Variants in SLC22A16 observed in about 807,000 individuals in gnomAD.
The protein encoded by SLC22A16 is solute carrier family 22 member 16.
A neutral mutation model predicts 52.9 loss-of-function variants in SLC22A16; 53 were observed. That is an observed-to-expected ratio of 1.00 (90% CI 0.80 to 1.26). The LOEUF (loss-of-function observed/expected upper bound fraction) is 1.26. SLC22A16 is among the 50% of genes most tolerant of loss of function. The pLI is 0.00. For synonymous variants in SLC22A16, 291 were observed against 268.8 expected (o/e 1.08, Z -0.81); for missense variants, 726 against 704.0 (o/e 1.03, Z -0.35).
intron 6 of SLC22A16, among the ~76,000 whole-genome samples, chr6:110,434,157 C>G (rs914047830): frequency 1.3e-5 from 2 of 151,990 alleles, no homozygotes; most frequent in Non-Finnish European, 2.9e-5. Flanking sequence ...GGAGAATCAC[C>G]TGAACCTGGG....
At chr6:110,444,285 G>C (rs1361235834) in intron 3 of SLC22A16, among the ~76,000 whole-genome samples, 3 of 152,120 alleles carry the variant, frequency 2.0e-5, no homozygotes, top group African/African-American at 7.2e-5. Context: ...TTTTTGGGAG[G>C]AGGAGGGGAA....
intron 1 of SLC22A16, among the ~76,000 whole-genome samples, chr6:110,475,708 A>G (rs1776439552): frequency 6.6e-6 from 1 of 152,220 alleles, no homozygotes; most frequent in South Asian, 2.1e-4. Context: ...ATCTCCGGCC[A>G]TAACGCTGCA....
Position 110,424,984 on chromosome 6 carries a change from T to G in SLC22A16, c.1623A>C (p.Lys541Asn). Residue 541 changes from lysine (K) to asparagine (N), a missense_variant, in exon 8 of 8, where the codon AAA becomes AAC. Physicochemically the swap from Lys to Asn is moderately conservative, Grantham distance 94. Coordinates refer to ENST00000368919, the MANE Select transcript of SLC22A16 (RefSeq NM_033125.4). Reference protein sequence around the residue: ...RLATTWEEAAKLESENESKSS... With the variant: ...RLATTWEEAANLESENESKSS... ...ACTTGCTTTCATTCTCTGACTCCAG[T>G]TTTGCAGCCTCCTCCCAAGTAGTTG... is the stretch of plus-strand genomic sequence containing the variant. The G allele has an allele frequency of 1.2e-6, 2 of 1,614,162 alleles. No homozygotes were observed. The highest frequency in any genetic ancestry group is 1.3e-5 in the African/African-American group (1 of 75,038).
intron 2 of SLC22A16, among the ~76,000 whole-genome samples, chr6:110,454,270 CAAG>C (rs1426692046): frequency 1.3e-5 from 2 of 152,020 alleles, no homozygotes; most frequent in Admixed American, 1.3e-4. Context: ...GCACATCCAG[CAAG>C]AAGTATAGAA....
At position 110,453,986 on chromosome 6, in the gene SLC22A16, T is replaced by G. The variant is rs9481071; in HGVS notation, c.533+2552A>C. Among the ~76,000 whole-genome samples the G allele has an allele frequency of 8.2e-3, 1,243 of 152,276 alleles. 17 individuals are homozygous for G. Among genetic ancestry groups the G allele is most frequent in the African/African-American group, 0.028 (1,181 of 41,560 alleles). On this transcript the variant is annotated intron_variant, in intron 2 of 7. Coordinates refer to ENST00000368919, the MANE Select transcript of SLC22A16 (RefSeq NM_033125.4). ...AGGAACTAATCAATTCCTGCGAGAATTAATCCAGTCTTGTGACAGCCAGAA... is the reference window on the plus strand; with the variant it reads ...AGGAACTAATCAATTCCTGCGAGAAGTAATCCAGTCTTGTGACAGCCAGAA...
chr6:110,447,028 A>G (rs748288682), intron 2 of SLC22A16, 38 bp from the exon 3 acceptor site: 1 of 1,552,460 alleles, frequency 6.4e-7, no homozygotes, highest in African/African-American at 1.4e-5. Context: ...GAGGAAAGGT[A>G]GAGTTGTAAC....
At position 110,437,281 on chromosome 6, in the gene SLC22A16, C is replaced by T. The variant is rs138932499; in HGVS notation, c.1312-1320G>A. On this transcript the variant is annotated intron_variant, in intron 5 of 7. Transcript: ENST00000368919. The stretch of plus-strand genomic sequence containing the variant: ...TTAATGCTCTATTTCTAGAAATCTC[C>T]ATCAGCCTCTTTCTCATCTTCCCTA... 5.4e-3 allele frequency among the ~76,000 whole-genome samples: 824 copies of T among 152,242 alleles called. 2 individuals are homozygous for T. Among genetic ancestry groups the T allele is most frequent in the Middle Eastern group, 0.02 (6 of 294 alleles).
intron 1 of SLC22A16, among the ~76,000 whole-genome samples, chr6:110,469,785 G>T (rs1776198632): frequency 6.6e-6 from 1 of 152,140 alleles, no homozygotes. Flanking sequence ...TCTCTGCTTT[G>T]CTAAAAGACA....
At chr6:110,436,252 C>T (rs1225351624) in intron 5 of SLC22A16, among the ~76,000 whole-genome samples, 1 of 152,154 alleles carries the variant, frequency 6.6e-6, no homozygotes, top group Non-Finnish European at 1.5e-5. Flanking sequence ...AGGAGACACG[C>T]CCTGATAGTG....
chr6:110,462,287 C>A (rs1258367919), intron 1 of SLC22A16, among the ~76,000 whole-genome samples: 1 of 152,134 alleles, frequency 6.6e-6, no homozygotes, highest in East Asian at 1.9e-4. Context: ...AAAGCTCCAG[C>A]TATACAAAAA....
chr6:110,450,032 A>T lies in SLC22A16; in HGVS notation c.534-3042T>A, dbSNP rs142551329. On this transcript the variant is annotated intron_variant, in intron 2 of 7. Transcript: ENST00000368919. ...CCTTGGGGGCCTTCTCCATCTGACA[A>T]CTTCCATTGATCATTCCTTGGGGTC... 2.7e-3 allele frequency among the ~76,000 whole-genome samples: 405 copies of T among 152,272 alleles called. 2 individuals carry two copies. The East Asian group carries it at 0.031, about 12-fold the overall frequency.
intron 5 of SLC22A16, among the ~76,000 whole-genome samples, chr6:110,438,341 T>C: frequency 6.6e-6 from 1 of 152,034 alleles, no homozygotes. Context: ...TTTTTATTTT[T>C]TGAGATGAGT....
chr6:110,429,253 T>C (rs1582516234), intron 7 of SLC22A16, among the ~76,000 whole-genome samples: 1 of 152,246 alleles, frequency 6.6e-6, no homozygotes, highest in African/African-American at 2.4e-5. Flanking sequence ...ACAGCCCACA[T>C]GGTTTCTTAA....
intron 1 of SLC22A16, among the ~76,000 whole-genome samples, chr6:110,461,494 C>G (rs1255972126): frequency 1.3e-5 from 2 of 152,150 alleles, no homozygotes; most frequent in African/African-American, 4.8e-5. Flanking sequence ...TGAGGGTGAG[C>G]TAGCTCTTCT....
intron 1 of SLC22A16, among the ~76,000 whole-genome samples, chr6:110,462,951 C>T (rs1349343298): frequency 6.6e-6 from 1 of 151,538 alleles, no homozygotes; most frequent in Admixed American, 6.6e-5. Flanking sequence ...CAAGCCAGAA[C>T]AGATTGGGGG....
chr6:110,476,499 G>GCGCC (rs774611428), intron 1 of SLC22A16, 23 bp downstream of exon 1: 9 of 370,162 alleles, frequency 2.4e-5, no homozygotes, highest in Non-Finnish European at 3.1e-5. Flanking sequence ...CCCGCGTGGC[G>GCGCC]CCGCGGGGCC....
Position 110,439,463 on chromosome 6 carries a change from A to C in SLC22A16, c.1184-616T>G, listed in dbSNP as rs926759541. Among the ~76,000 whole-genome samples, 26 of 152,334 alleles carry C rather than the reference A, an allele frequency of 1.7e-4. No individual in the cohort carries two copies. In the East Asian group the frequency reaches 4.4e-3, roughly 26 times the overall value. ...TAGAGAATGAGTTTGAAGTCAAGAC[A>C]GGCTCTTTCTATAAACTTGTTAGTT... On this transcript the variant is annotated intron_variant, in intron 4 of 7. Transcript: ENST00000368919.
intron 6 of SLC22A16, among the ~76,000 whole-genome samples, chr6:110,432,318 T>C (rs1166523481): frequency 6.6e-6 from 1 of 152,240 alleles, no homozygotes; most frequent in African/African-American, 2.4e-5. Flanking sequence ...TGAGGTCATG[T>C]ACCTGTGGTT....
intron 1 of SLC22A16, among the ~76,000 whole-genome samples, chr6:110,471,475 C>A (rs1429559475): frequency 1.3e-5 from 2 of 152,222 alleles, no homozygotes; most frequent in African/African-American, 4.8e-5. Flanking sequence ...AACCTGGACA[C>A]AGTCTAAACG....
Sources: gnomAD v4.1 joint callset for allele counts (sites outside exome capture counted in the v4.1 genomes callset) on GRCh38, gnomAD v4.1.1 for gene constraint, MANE v1.5 for transcripts, NCBI Gene and HGNC (gene_info 2026-07-23, HGNC 2026-07-21) for gene names.